PITRM1: variants seen among roughly 807,000 people sequenced by gnomAD.
The protein encoded by PITRM1 is pitrilysin metallopeptidase 1, also known as presequence protease, mitochondrial.
PITRM1 carries 100 observed loss-of-function variants against 129.9 expected under a neutral mutation model. That is an observed-to-expected ratio of 0.77 (90% CI 0.65 to 0.91). The LOEUF (loss-of-function observed/expected upper bound fraction) is 0.91. Ranked by LOEUF, PITRM1 falls within the 40% of genes least tolerant of loss-of-function variation. The pLI, the probability that PITRM1 is intolerant of heterozygous loss-of-function variation, is 0.00. For missense variants in PITRM1, 1,471 were observed against 1,318.3 expected (o/e 1.12, Z -1.79); for synonymous variants, 591 against 508.8 (o/e 1.16, Z -2.17).
chr10:3,140,272 G>A (rs887492204), intron 24 of PITRM1, among the ~76,000 whole-genome samples: 17 of 152,220 alleles, frequency 1.1e-4, no homozygotes, highest in African/African-American at 3.6e-4. Context: ...GGCAGGTACC[G>A]TAGACAGCGT....
chr10:3,159,117 A>G, intron 9 of PITRM1, 75 bp from the exon 10 acceptor site: 2 of 1,243,998 alleles, frequency 1.6e-6, no homozygotes, highest in South Asian at 1.4e-5. Context: ...TGCACATTTT[A>G]TTTAAAACCA....
At chr10:3,144,010 C>T in intron 22 of PITRM1, 2 of 559,960 alleles carry the variant, frequency 3.6e-6, no homozygotes, top group Non-Finnish European at 6.4e-6. Flanking sequence ...GAGGAGACCA[C>T]CCAGAGCAGT....
Position 3,151,299 on chromosome 10 carries a change from A to G in PITRM1, c.1686T>C (p.Val562=), listed in dbSNP as rs777055355. 1.2e-5 allele frequency: 19 copies of G among 1,611,168 alleles called. No individual in the cohort carries two copies. In the Admixed American group the frequency reaches 3.2e-4, roughly 27 times the overall value. Residue 562 remains valine, a synonymous_variant, in exon 15 of 27, where the codon GTT becomes GTC. Transcript: ENST00000224949. ...CAGGTATGGTGGGTTCAATATCGGA[A>G]ACTTTCAACGCTGGCAGACAAGAGG... The part of the protein sequence containing the change: ...QDASCLPALK[V]SDIEPTIPVT...
chr10:3,140,647 G>A (rs969794748), intron 24 of PITRM1, 40 bp downstream of exon 24: 6 of 1,557,604 alleles, frequency 3.9e-6, no homozygotes, highest in African/African-American at 2.7e-5. Flanking sequence ...AGACTAAAAC[G>A]ACGTGTGCAT....
intron 15 of PITRM1, among the ~76,000 whole-genome samples, chr10:3,150,550 G>A (rs1182131880): frequency 6.6e-6 from 1 of 152,198 alleles, no homozygotes; most frequent in African/African-American, 2.4e-5. Flanking sequence ...TGAGAGCCAT[G>A]CTGCCCTCAG....
chr10:3,167,115 C>T, intron 2 of PITRM1, 73 bp from the exon 3 acceptor site: 1 of 823,080 alleles, frequency 1.2e-6, no homozygotes, highest in Non-Finnish European at 1.9e-6. Flanking sequence ...GTTCGACACA[C>T]TGAGAAAACT....
intron 23 of PITRM1, chr10:3,141,628 G>A (rs1280941884): frequency 1.1e-5 from 5 of 469,056 alleles, no homozygotes; most frequent in South Asian, 7.8e-5. Context: ...ACCTCCGACA[G>A]AAGGCGGGGC....
At chr10:3,161,901 G>A (rs566047732) in intron 7 of PITRM1, among the ~76,000 whole-genome samples, 28 of 151,268 alleles carry the variant, frequency 1.9e-4, no homozygotes, top group African/African-American at 4.4e-4. Flanking sequence ...CATGTTGGGC[G>A]CAGTGGCTCA....
intron 4 of PITRM1, 113 bp from the exon 5 acceptor site, chr10:3,165,640 G>A (rs1842796619): frequency 2.9e-6 from 2 of 693,954 alleles, no homozygotes; most frequent in Admixed American, 5.1e-5. Flanking sequence ...AGCTATTCTT[G>A]GGATGGGGCA....
chr10:3,147,286 G>A (rs759542993), intron 19 of PITRM1, 36 bp from the exon 20 acceptor site: 2 of 1,434,186 alleles, frequency 1.4e-6, no homozygotes, highest in East Asian at 2.3e-5. Flanking sequence ...GAGAGGCAGA[G>A]GCTACAACAG....
At position 3,140,761 on chromosome 10, in the gene PITRM1, A is replaced by G; in HGVS notation, c.2697T>C (p.Ile899=). ...LMTAKFLHTE[I]REKGGAYGGG... ...CACCATAAGCACCGCCTTTTTCTCG[A>G]ATTTCTGTATGCAAGAATTTGGCAG... The change falls in exon 24 of 27, where the codon ATT becomes ATC. Residue 899 remains isoleucine (I), a synonymous_variant. Coordinates refer to ENST00000224949, the MANE Select transcript of PITRM1 (RefSeq NM_014889.4). 6.3e-7 allele frequency: 1 copy of G among 1,595,300 alleles called. No homozygotes were observed. Among genetic ancestry groups the G allele is most frequent in the South Asian group, 1.1e-5 (1 of 87,820 alleles).
At chr10:3,170,266 T>A in intron 1 of PITRM1, 60 bp from the exon 2 acceptor site, 1 of 1,232,390 alleles carries the variant, frequency 8.1e-7, no homozygotes, top group Non-Finnish European at 1.2e-6. Context: ...CTAACATTAT[T>A]CAGCCACATA....
Position 3,158,921 on chromosome 10 carries a change from C to A in PITRM1, c.1129G>T (p.Asp377Tyr). The A allele has an allele frequency of 1.9e-6, 3 of 1,612,870 alleles. No individual in the cohort carries two copies. The highest frequency in any genetic ancestry group is 2.2e-5 in the South Asian group (2 of 90,868). The part of the protein sequence containing the change: ...ESGLGTDFSP[D>Y]VGYNGYTREA... ...ATCTAATCATAAACTCACCCAACAT[C>A]AGGAGAAAAGTCTGTGCCAAGGCCA... The change falls in exon 10 of 27, where the codon GAT (aspartate) becomes TAT (tyrosine). Residue 377 changes from aspartate to tyrosine, a missense_variant. Coordinates refer to ENST00000224949, the MANE Select transcript of PITRM1 (RefSeq NM_014889.4).
chr10:3,139,775 G>A (rs540493278), intron 24 of PITRM1, among the ~76,000 whole-genome samples: 61 of 152,296 alleles, frequency 4.0e-4, no homozygotes, highest in African/African-American at 1.4e-3. Context: ...GGATCCTCCC[G>A]CCTTAGCCTC....
At chr10:3,167,317 G>A (rs961268222) in intron 2 of PITRM1, among the ~76,000 whole-genome samples, 4 of 152,220 alleles carry the variant, frequency 2.6e-5, no homozygotes, top group East Asian at 1.9e-4. Flanking sequence ...GAGAGCGCAC[G>A]CGCTTACTAC....
chr10:3,149,681 A>G lies in PITRM1; in HGVS notation c.1811T>C (p.Leu604Pro). 1 of 1,609,854 alleles carries G rather than the reference A, an allele frequency of 6.2e-7. No homozygotes were observed. The change falls in exon 16 of 27, where the codon CTG becomes CCG. Residue 604 changes from leucine to proline, a missense_variant. By Grantham distance (98) the Leu-to-Pro change is moderately conservative (BLOSUM62 -3). Transcript: ENST00000224949. The stretch of plus-strand genomic sequence containing the variant: ...CCTCAGCTCCTCGGGGAGTGTGTTC[A>G]GGCTGGAGAAGGCCCGGAAATACAC... ...GMVYFRAFSS[L>P]NTLPEELRPY... is the part of the protein sequence containing the mutation.
rs993630918 is a variant in PITRM1, at chr10:3,168,827, T to A, written c.159+1277A>T. 2.0e-5 allele frequency among the ~76,000 whole-genome samples: 3 copies of A among 152,156 alleles called. No individual in the cohort carries two copies. In the South Asian group the frequency reaches 6.2e-4, roughly 32 times the overall value. On this transcript the variant is annotated intron_variant, in intron 2 of 26. Coordinates refer to ENST00000224949, the MANE Select transcript of PITRM1 (RefSeq NM_014889.4). ...TTACCCAGTCTTGGGTATTTCTTCA[T>A]AGCAGTGTGAGACTAGACTAATACA...
chr10:3,154,867 G>A (rs866841297), intron 14 of PITRM1, among the ~76,000 whole-genome samples: 10 of 151,974 alleles, frequency 6.6e-5, no homozygotes, highest in Middle Eastern at 3.4e-3. Flanking sequence ...GCCAATCCCC[G>A]TCTCACTTTT....
At chr10:3,163,997 T>G in intron 6 of PITRM1, 112 bp from the exon 7 acceptor site, 1 of 615,624 alleles carries the variant, frequency 1.6e-6, no homozygotes, top group East Asian at 3.3e-5. Flanking sequence ...CTGTAATACT[T>G]TGCAAATAAA....
Sources: gnomAD v4.1 joint callset for allele counts (sites outside exome capture counted in the v4.1 genomes callset) on GRCh38, gnomAD v4.1.1 for gene constraint, MANE v1.5 for transcripts, NCBI Gene and HGNC (gene_info 2026-07-23, HGNC 2026-07-21) for gene names.